CHD4: variants seen among roughly 807,000 people sequenced by gnomAD.
CHD4 encodes the protein chromodomain helicase DNA binding protein 4, also known as ATP-dependent chromatin remodeler CHD4.
CHD4 carries 35 observed loss-of-function variants against 235.5 expected under a neutral mutation model. The observed-to-expected ratio is 0.15, with a 90% CI of 0.11 to 0.20. CHD4 has a LOEUF of 0.20. Ranked by LOEUF, CHD4 falls within the 10% of genes least tolerant of loss-of-function variation. The pLI, the probability that CHD4 is intolerant of heterozygous loss-of-function variation, is 1.00. For synonymous variants in CHD4, 900 were observed against 850.2 expected (o/e 1.06, Z -1.02); for missense variants, 1,329 against 2,432.3 (o/e 0.55, Z 9.54).
chr12:6,581,591 G>T lies in CHD4; in HGVS notation c.4681+58C>A, dbSNP rs759585087. On this transcript the variant is annotated intron_variant, in intron 31 of 39. Transcript: ENST00000544040. ...TGTTAGAACTGAGCACAGGGGAGCA[G>T]AAAAATAGGCCAGGACAAAAAGAGA... 9 of 1,612,178 alleles carry T rather than the reference G, an allele frequency of 5.6e-6. No homozygotes were observed. In the South Asian group the frequency reaches 9.9e-5, roughly 18 times the overall value.
intron 10 of CHD4, 110 bp downstream of exon 10, chr12:6,599,663 T>G (rs998990469): frequency 1.5e-6 from 2 of 1,368,628 alleles, no homozygotes; most frequent in African/African-American, 2.9e-5. Context: ...AATACCTTTC[T>G]CAGGGCTGAA....
At chr12:6,594,110 C>T (rs978636390) in intron 15 of CHD4, among the ~76,000 whole-genome samples, 1 of 152,172 alleles carries the variant, frequency 6.6e-6, no homozygotes, top group African/African-American at 2.4e-5. Context: ...GCTGGGATTA[C>T]AGGTATGAGC....
At chr12:6,580,709 A>AAAAAAAACAAAAC (rs1948167076) in intron 33 of CHD4, 4 of 209,372 alleles carry the variant, frequency 1.9e-5, no homozygotes, top group Non-Finnish European at 3.6e-5. Flanking sequence ...CCTTTGAAAA[A>AAAAAAAACAAAAC]AAAAAAAAAA....
In CHD4 at chr12:6,584,121, C is replaced by T. The variant is rs921695940; in HGVS notation, c.3880-743G>A. 3.3e-5 allele frequency: 5 copies of T among 152,100 alleles called. No homozygotes were observed. In the East Asian group the frequency reaches 7.7e-4, roughly 23 times the overall value. The allele number at this position is 152,100 out of a possible 1,614,324, so 9.4% of individuals were successfully genotyped here. A position where few individuals can be genotyped will look rare whatever the true frequency, so the allele number is the denominator to read the frequency against. ...ATTCAGAGAAAAAACAAAATTATGT[C>T]TGTACTCAACATTTACAGACTTTTT... On this transcript the variant is annotated intron_variant, in intron 25 of 39. Transcript: ENST00000544040.
At chr12:6,595,922 C>G in intron 13 of CHD4, 84 bp downstream of exon 13, 2 of 1,455,092 alleles carry the variant, frequency 1.4e-6, no homozygotes, top group South Asian at 2.7e-5. Context: ...CACGCCACTG[C>G]ACTACAGCTT....
chr12:6,592,684 A>G lies in CHD4; in HGVS notation c.2774+12T>C. ...ACAATTATGAGCCGATTACAGATAA[A>G]CACATACTTACTGGAACCTCTCGGG... is the stretch of plus-strand genomic sequence containing the variant. On this transcript the variant is annotated intron_variant, in intron 18 of 39. Transcript: ENST00000544040. 6.2e-7 allele frequency: 1 copy of G among 1,612,658 alleles called. No individual in the cohort carries two copies. Among genetic ancestry groups the G allele is most frequent in the Non-Finnish European group, 8.5e-7 (1 of 1,179,272 alleles).
chr12:6,580,770 A>T, intron 33 of CHD4: 1 of 297,592 alleles, frequency 3.4e-6, no homozygotes, highest in Non-Finnish European at 6.1e-6. Flanking sequence ...GCAATCTGGG[A>T]GGCAAAAGCA....
rs1948219795 is a variant in CHD4, at chr12:6,582,830, G to A, written c.4236+18C>T. The A allele has an allele frequency of 6.2e-7, 1 of 1,613,814 alleles. No homozygotes were observed. Among genetic ancestry groups the A allele is most frequent in the Non-Finnish European group, 8.5e-7 (1 of 1,180,036 alleles). On this transcript the variant is annotated intron_variant, in intron 28 of 39. Transcript: ENST00000544040. Reference sequence around the variant, plus strand: ...AATATCTGACACTCACCCCTCCTTAGAATCGTATGGCACTTACTTCAATAT... The same window carrying A: ...AATATCTGACACTCACCCCTCCTTAAAATCGTATGGCACTTACTTCAATAT...
At chr12:6,576,697 C>T (rs1426591905) in intron 37 of CHD4, among the ~76,000 whole-genome samples, 1 of 152,080 alleles carries the variant, frequency 6.6e-6, no homozygotes, top group Admixed American at 6.6e-5. Flanking sequence ...CCTCCGCCTC[C>T]CGGGTTCAAG....
In CHD4 at chr12:6,602,190, G is replaced by C. The variant is rs778670261; in HGVS notation, c.223-15C>G. 1.2e-6 allele frequency: 2 copies of C among 1,612,908 alleles called. No homozygotes were observed. Among genetic ancestry groups the C allele is most frequent in the Non-Finnish European group, 1.7e-6 (2 of 1,179,156 alleles). ...AAGAGCATACGCTGGAGCAGGGCAA[G>C]GGGGGAAGAGGGAGACAGACACACA... On this transcript the variant is annotated splice_polypyrimidine_tract_variant and intron_variant, in intron 3 of 39. Coordinates refer to ENST00000544040, the MANE Select transcript of CHD4 (RefSeq NM_001273.5).
chr12:6,584,242 G>A (rs1258861020), intron 25 of CHD4: 1 of 152,012 alleles, frequency 6.6e-6, no homozygotes, highest in African/African-American at 2.4e-5. Context: ...ACATATATGT[G>A]AGTGTACATA....
intron 38 of CHD4, chr12:6,572,849 C>CG (rs1187083166): frequency 5.1e-6 from 2 of 394,326 alleles, no homozygotes; most frequent in Non-Finnish European, 4.5e-6. Context: ...CGTGAGCCAC[C>CG]GCGCCCGGCC....
chr12:6,588,499 C>T (rs1237247897), intron 22 of CHD4, 77 bp from the exon 23 acceptor site: 34 of 1,532,960 alleles, frequency 2.2e-5, no homozygotes, highest in South Asian at 1.2e-4. Context: ...AAAATTAAGC[C>T]GGGGGCAGTG....
In CHD4 at chr12:6,602,004, G is replaced by C. The variant is rs761102450; in HGVS notation, c.394C>G (p.Arg132Gly). ...PKKEKKSKSKRKEEEEEEDDD... is the reference protein window; with the variant it reads ...PKKEKKSKSKGKEEEEEEDDD... The stretch of plus-strand genomic sequence containing the variant: ...TCCTCCTCCTCCTCCTCCTCCTTCC[G>C]CTTGGATTTGCTCTTCTTCTCTTTC... Residue 132 changes from arginine (R) to glycine (G), a missense_variant, in exon 4 of 40, where the codon CGG (arginine) becomes GGG (glycine). Around this residue, in one of 26 missense-constraint regions of CHD4, gnomAD observed 213 missense variants for 177.5 expected, o/e 1.20. Coordinates refer to ENST00000544040, the MANE Select transcript of CHD4 (RefSeq NM_001273.5). The C allele has an allele frequency of 6.2e-7, 1 of 1,610,456 alleles. No homozygotes were observed. Among genetic ancestry groups the C allele is most frequent in the East Asian group, 2.2e-5 (1 of 44,852 alleles).
At chr12:6,601,902 T>C in intron 4 of CHD4, 58 bp downstream of exon 4, 6 of 1,591,818 alleles carry the variant, frequency 3.8e-6, no homozygotes, top group South Asian at 1.1e-5. Context: ...GTAAGGTGTC[T>C]AGGAAACAAA....
chr12:6,580,885 T>G, intron 33 of CHD4, 159 bp downstream of exon 33: 1 of 754,754 alleles, frequency 1.3e-6, no homozygotes, highest in Non-Finnish European at 2.2e-6. Flanking sequence ...CGTCTGTCTG[T>G]AATCCCAGCT....
Position 6,606,454 on chromosome 12 carries a change from G to A in CHD4, c.-78-3C>T, listed in dbSNP as rs1948702429. On this transcript the variant is annotated splice_polypyrimidine_tract_variant and splice_region_variant and intron_variant, in intron 1 of 39. Transcript: ENST00000544040. The stretch of plus-strand genomic sequence containing the variant: ...GACCTCTACACTGGCCCGAGTCACT[G>A]TGCGGGGGAGGGGGGAGAAACACAG... The A allele has an allele frequency of 1.3e-6, 1 of 741,982 alleles. No homozygotes were observed. Among genetic ancestry groups the A allele is most frequent in the Non-Finnish European group, 2.2e-6 (1 of 455,186 alleles). 46.0% of individuals were successfully genotyped at this position (741,982 alleles called of 1,614,324 possible).
At chr12:6,573,361 G>T in intron 37 of CHD4, 92 bp from the exon 38 acceptor site, 1 of 1,083,432 alleles carries the variant, frequency 9.2e-7, no homozygotes, top group Non-Finnish European at 1.3e-6. Flanking sequence ...CATTGTTTCA[G>T]ATGGTAATAA....
In CHD4 at chr12:6,592,710, G is replaced by A; in HGVS notation, c.2760C>T (p.Thr920=). The change falls in exon 18 of 40, where the codon ACC becomes ACT. Residue 920 remains threonine, a synonymous_variant. Coordinates refer to ENST00000544040, the MANE Select transcript of CHD4 (RefSeq NM_001273.5). ...EELFHLLNFL[T]PERFHNLEGF... ...CACATACTTACTGGAACCTCTCGGG[G>A]GTGAGAAAGTTGAGCAGATGAAACA... is the stretch of plus-strand genomic sequence containing the variant. The A allele has an allele frequency of 1.9e-6, 3 of 1,614,018 alleles. No homozygotes were observed. The highest frequency in any genetic ancestry group is 2.5e-6 in the Non-Finnish European group (3 of 1,179,984).
Sources: allele counts gnomAD v4.1 joint callset (sites outside exome capture counted in the v4.1 genomes callset), GRCh38; gene constraint gnomAD v4.1.1; regional missense constraint gnomAD v4.1.1; transcripts MANE v1.5; gene names NCBI Gene and HGNC (gene_info 2026-07-23, HGNC 2026-07-21).